The following AGBL4 variants were observed in gnomAD, a reference collection of about 807,000 sequenced individuals.
The protein encoded by AGBL4 is AGBL carboxypeptidase 4.
AGBL4 carries 58 observed loss-of-function variants against 66.4 expected under a neutral mutation model. That is an observed-to-expected ratio of 0.87 (90% CI 0.71 to 1.09). The LOEUF (loss-of-function observed/expected upper bound fraction) is 1.09. Among genes scored for constraint, AGBL4 ranks in the 50% least tolerant of loss-of-function variants. The probability of loss-of-function intolerance (pLI) is 0.00; values close to 1 mark genes in which losing one functional copy is unlikely to be tolerated. For missense variants in AGBL4, 579 were observed against 631.0 expected (o/e 0.92, Z 0.88); for synonymous variants, 234 against 222.9 (o/e 1.05, Z -0.44).
chr1:48,776,861 G>A (rs1385140542), intron 6 of AGBL4: 1 of 1,449,872 alleles, frequency 6.9e-7, no homozygotes, highest in Non-Finnish European at 9.1e-7. Context: ...CCCCGGTCGG[G>A]CAGCTCAGCC....
intron 3 of AGBL4, among the ~76,000 whole-genome samples, chr1:49,281,400 A>G (rs1644269632): frequency 6.6e-6 from 1 of 152,312 alleles, no homozygotes; most frequent in South Asian, 2.1e-4. Flanking sequence ...AGCCATCATG[A>G]GGATTCCCAT....
At chr1:49,567,010 C>T (rs992516759) in intron 3 of AGBL4, among the ~76,000 whole-genome samples, 2 of 152,220 alleles carry the variant, frequency 1.3e-5, no homozygotes, top group Non-Finnish European at 2.9e-5. Context: ...GCAGGCGCCC[C>T]TCCCCCAGCC....
At chr1:49,133,507 A>C (rs1645944297) in intron 4 of AGBL4, among the ~76,000 whole-genome samples, 1 of 152,230 alleles carries the variant, frequency 6.6e-6, no homozygotes, top group Non-Finnish European at 1.5e-5. Flanking sequence ...CAATCTCATT[A>C]GTATTTAAAT....
At chr1:48,651,129 T>C (rs1645923130) in intron 8 of AGBL4, among the ~76,000 whole-genome samples, 1 of 152,242 alleles carries the variant, frequency 6.6e-6, no homozygotes. Flanking sequence ...GTTTTAGCAA[T>C]AGCATTAATG....
At chr1:49,938,242 C>A (rs977181787) in intron 1 of AGBL4, among the ~76,000 whole-genome samples, 9 of 152,150 alleles carry the variant, frequency 5.9e-5, no homozygotes, top group Non-Finnish European at 1.2e-4. Flanking sequence ...ACCAGAAAAT[C>A]TAGAAGAAAT....
chr1:49,680,452 GC>G (rs1646671234), intron 3 of AGBL4, among the ~76,000 whole-genome samples: 1 of 151,996 alleles, frequency 6.6e-6, no homozygotes, highest in African/African-American at 2.4e-5. Flanking sequence ...ATCTGAGAGT[GC>G]CTTGATTTTC....
chr1:49,182,702 C>T (rs1300245099), intron 4 of AGBL4, among the ~76,000 whole-genome samples: 1 of 151,614 alleles, frequency 6.6e-6, no homozygotes, highest in Non-Finnish European at 1.5e-5. Context: ...TTTCATCATC[C>T]AGTCCTTGTC....
At chr1:49,939,728 G>T (rs1361127546) in intron 1 of AGBL4, among the ~76,000 whole-genome samples, 3 of 152,122 alleles carry the variant, frequency 2.0e-5, no homozygotes, top group Non-Finnish European at 4.4e-5. Flanking sequence ...TTAAACGTTA[G>T]ACCTAAAACC....
chr1:49,344,353 A>G (rs1645597735), intron 3 of AGBL4, among the ~76,000 whole-genome samples: 1 of 152,214 alleles, frequency 6.6e-6, no homozygotes, highest in African/African-American at 2.4e-5. Context: ...ACAGTTTTAC[A>G]TGTAAGGTGT....
At chr1:49,785,142 TAGTAGAATGGTGGCTACC>T (rs1179260340) in intron 2 of AGBL4, among the ~76,000 whole-genome samples, 1 of 152,034 alleles carries the variant, frequency 6.6e-6, no homozygotes, top group Non-Finnish European at 1.5e-5. Flanking sequence ...TAGAAGTAGA[TAGTAGAATGGTGGCTACC>T]AGTAGCTGGG....
chr1:49,942,195 C>T (rs1654825989), intron 1 of AGBL4, among the ~76,000 whole-genome samples: 1 of 151,864 alleles, frequency 6.6e-6, no homozygotes, highest in Admixed American at 6.6e-5. Flanking sequence ...CTGAAGAAGA[C>T]ACAAATAAAT....
intron 5 of AGBL4, among the ~76,000 whole-genome samples, chr1:49,037,778 G>T (rs756031590): frequency 9.2e-5 from 14 of 151,724 alleles, no homozygotes; most frequent in Non-Finnish European, 1.8e-4. Context: ...ACTTTTCAGG[G>T]ACAGAATGTG....
intron 6 of AGBL4, among the ~76,000 whole-genome samples, chr1:48,749,800 T>C (rs12731975): frequency 0.99 from 150,543 of 152,346 alleles, 74,394 homozygotes; most frequent in South Asian, 1. Context: ...CAACTATCTG[T>C]GCCCAGAGAG....
chr1:49,715,106 T>C (rs938054881), intron 2 of AGBL4, among the ~76,000 whole-genome samples: 1 of 152,120 alleles, frequency 6.6e-6, no homozygotes, highest in Non-Finnish European at 1.5e-5. Flanking sequence ...CCTAATGCTA[T>C]CCCTCCCCTA....
At chr1:49,047,385 G>A (rs1190900463) in intron 4 of AGBL4, among the ~76,000 whole-genome samples, 1 of 152,102 alleles carries the variant, frequency 6.6e-6, no homozygotes, top group African/African-American at 2.4e-5. Flanking sequence ...AGTATCAAAG[G>A]TTGTTTAAAG....
At chr1:49,081,490 G>A (rs1484782609) in intron 4 of AGBL4, among the ~76,000 whole-genome samples, 2 of 152,184 alleles carry the variant, frequency 1.3e-5, no homozygotes, top group Non-Finnish European at 2.9e-5. Context: ...CATTGAAGAT[G>A]CTCAGGAAAT....
intron 1 of AGBL4, among the ~76,000 whole-genome samples, chr1:50,022,484 T>C (rs1054676448): frequency 1.3e-5 from 2 of 152,106 alleles, no homozygotes; most frequent in African/African-American, 4.8e-5. Flanking sequence ...AGCTACTCAA[T>C]AAAACAGAGG....
intron 4 of AGBL4, among the ~76,000 whole-genome samples, chr1:49,237,130 G>A (rs1557755210): frequency 1.3e-5 from 2 of 151,860 alleles, no homozygotes; most frequent in South Asian, 4.2e-4. Context: ...GGACATGGTG[G>A]CAGGCGCCTG....
intron 3 of AGBL4, among the ~76,000 whole-genome samples, chr1:49,367,857 G>C (rs1644269373): frequency 6.6e-6 from 1 of 152,040 alleles, no homozygotes; most frequent in Admixed American, 6.6e-5. Context: ...TCTCTATCTA[G>C]TTCCAGAACA....
Sources: gnomAD v4.1 joint callset for allele counts (sites outside exome capture counted in the v4.1 genomes callset) on GRCh38, gnomAD v4.1.1 for gene constraint, MANE v1.5 for transcripts, NCBI Gene and HGNC (gene_info 2026-07-23, HGNC 2026-07-21) for gene names.